PRKN: variants seen among roughly 807,000 people sequenced by gnomAD.
PRKN encodes parkin RBR E3 ubiquitin protein ligase.
PRKN carries 56 observed loss-of-function variants against 59.5 expected under a neutral mutation model. The ratio of observed to expected loss-of-function variants is 0.94; its 90% CI spans 0.76 to 1.18. The LOEUF is 1.18. PRKN is among the 50% of genes most tolerant of loss of function. The probability of loss-of-function intolerance (pLI) is 0.00; values close to 1 mark genes in which losing one functional copy is unlikely to be tolerated. For missense variants in PRKN, 657 were observed against 596.4 expected, an observed-to-expected ratio of 1.10 and a Z score of -1.06; for synonymous variants, 250 against 222.1, an observed-to-expected ratio of 1.13 and a Z score of -1.12.
At chr6:161,534,095 A>C (rs904099750) in intron 9 of PRKN, among the ~76,000 whole-genome samples, 4 of 151,902 alleles carry the variant, frequency 2.6e-5, no homozygotes, top group African/African-American at 9.7e-5. Flanking sequence ...AGGATGAAGT[A>C]CTGAATCCTT....
intron 1 of PRKN, among the ~76,000 whole-genome samples, chr6:162,590,852 A>C (rs746998607): frequency 2.0e-5 from 3 of 152,160 alleles, no homozygotes; most frequent in Non-Finnish European, 4.4e-5. Context: ...CTGGGCACAC[A>C]ACAGCCTCAT....
In PRKN at chr6:162,220,702, C is replaced by A. The variant is rs1008207883; in HGVS notation, c.413-19450G>T. Among the ~76,000 whole-genome samples the A allele has an allele frequency of 5.9e-5, 9 of 152,186 alleles. No homozygotes were observed. In the East Asian group the frequency reaches 1.7e-3, roughly 29 times the overall value. On this transcript the variant is annotated intron_variant, in intron 3 of 11. Coordinates refer to ENST00000366898, the MANE Select transcript of PRKN (RefSeq NM_004562.3). ...TCAAGGCAGAGGTCAGGAAACGGAA[C>A]TCCACATGGACACAGAATGGTCTAC...
intron 1 of PRKN, among the ~76,000 whole-genome samples, chr6:162,715,410 G>A (rs1463747094): frequency 6.6e-6 from 1 of 152,176 alleles, no homozygotes; most frequent in Non-Finnish European, 1.5e-5. Flanking sequence ...TTAAAGTTTA[G>A]AGGAAAATAA....
chr6:162,504,622 A>G (rs1003894878), intron 1 of PRKN, among the ~76,000 whole-genome samples: 2 of 152,186 alleles, frequency 1.3e-5, no homozygotes, highest in African/African-American at 2.4e-5. Context: ...AACATTTAAG[A>G]GAGAAATATA....
At chr6:161,351,623 C>A (rs906760502) in intron 11 of PRKN, among the ~76,000 whole-genome samples, 1 of 152,106 alleles carries the variant, frequency 6.6e-6, no homozygotes, top group African/African-American at 2.4e-5. Flanking sequence ...CCGCACCCAG[C>A]CAGCATATTA....
At chr6:161,491,694 G>A (rs975418395) in intron 9 of PRKN, among the ~76,000 whole-genome samples, 10 of 151,730 alleles carry the variant, frequency 6.6e-5, no homozygotes, top group South Asian at 2.1e-4. Context: ...GCAATGGCGC[G>A]ATCTTGGCTC....
chr6:161,774,644 G>A (rs1789845168), intron 7 of PRKN, among the ~76,000 whole-genome samples: 1 of 152,186 alleles, frequency 6.6e-6, no homozygotes, highest in Non-Finnish European at 1.5e-5. Flanking sequence ...CAGGATTCGG[G>A]TCTGGGTCCC....
chr6:162,038,265 C>T (rs768302894), intron 5 of PRKN, among the ~76,000 whole-genome samples: 8 of 151,964 alleles, frequency 5.3e-5, no homozygotes, highest in East Asian at 1.9e-4. Flanking sequence ...TTTGTAGAAA[C>T]GGCAATTGAC....
chr6:162,222,339 C>A (rs1233710772), intron 3 of PRKN, among the ~76,000 whole-genome samples: 2 of 152,138 alleles, frequency 1.3e-5, no homozygotes, highest in African/African-American at 4.8e-5. Flanking sequence ...GTCGGCCTGA[C>A]CCAATCAGAG....
chr6:162,561,629 G>A (rs1002156046), intron 1 of PRKN, among the ~76,000 whole-genome samples: 1 of 152,174 alleles, frequency 6.6e-6, no homozygotes, highest in Non-Finnish European at 1.5e-5. Context: ...CCCTTACTGG[G>A]GGCGAAGAGC....
chr6:161,679,003 C>A (rs1308476182), intron 7 of PRKN, among the ~76,000 whole-genome samples: 1 of 152,216 alleles, frequency 6.6e-6, no homozygotes, highest in African/African-American at 2.4e-5. Context: ...GACAGACACA[C>A]ACACGCACAT....
intron 1 of PRKN, among the ~76,000 whole-genome samples, chr6:162,725,279 C>T (rs1156391821): frequency 6.6e-6 from 1 of 152,244 alleles, no homozygotes; most frequent in African/African-American, 2.4e-5. Context: ...ATCCCAGATA[C>T]ATACTATTTA....
intron 2 of PRKN, among the ~76,000 whole-genome samples, chr6:162,326,040 C>T (rs949025616): frequency 6.6e-6 from 1 of 152,044 alleles, no homozygotes; most frequent in African/African-American, 2.4e-5. Context: ...AGTCCAAATT[C>T]CTTTACTGCA....
intron 5 of PRKN, among the ~76,000 whole-genome samples, chr6:161,987,236 G>A (rs899073520): frequency 3.3e-5 from 5 of 152,016 alleles, no homozygotes; most frequent in Non-Finnish European, 5.9e-5. Context: ...ACCATATACC[G>A]GAAAACTAAG....
intron 3 of PRKN, among the ~76,000 whole-genome samples, chr6:162,239,323 T>C (rs1778888518): frequency 6.6e-6 from 1 of 152,330 alleles, no homozygotes; most frequent in South Asian, 2.1e-4. Flanking sequence ...CTAATTTGTT[T>C]CTGTTTTGTT....
intron 5 of PRKN, among the ~76,000 whole-genome samples, chr6:162,033,910 A>G (rs1783737432): frequency 6.6e-6 from 1 of 152,158 alleles, no homozygotes; most frequent in South Asian, 2.1e-4. Context: ...TATGCAAAGT[A>G]TAAGAAAGGT....
chr6:161,836,608 G>C (rs73785438), intron 6 of PRKN, among the ~76,000 whole-genome samples: 122 of 152,216 alleles, frequency 8.0e-4, no homozygotes, highest in Admixed American at 1.4e-3. Context: ...AACCAGAGAC[G>C]ATCATAATTA....
In PRKN at chr6:161,582,697, G is replaced by A. The variant is rs1223837336; in HGVS notation, c.872-13281C>T. On this transcript the variant is annotated intron_variant, in intron 7 of 11. Coordinates refer to ENST00000366898, the MANE Select transcript of PRKN (RefSeq NM_004562.3). This position sits in a 1 kb window ranked among gnomAD's most constrained non-coding sequence, Gnocchi z 4.4. ...CCGCCTCGGCCTCCCAAAGTTCTGG[G>A]ATTACAGGTGTGAGACACTGCGCCT... 6.6e-6 allele frequency among the ~76,000 whole-genome samples: 1 copy of A among 152,078 alleles called. No homozygotes were observed. The highest frequency in any genetic ancestry group is 1.5e-5 in the Non-Finnish European group (1 of 68,010).
intron 2 of PRKN, among the ~76,000 whole-genome samples, chr6:162,362,785 T>G (rs1209074389): frequency 2.6e-5 from 4 of 152,066 alleles, no homozygotes; most frequent in African/African-American, 9.7e-5. Context: ...GAAAAAAACT[T>G]TATTTCACAA....
Sources: gnomAD v4.1 joint callset for allele counts (sites outside exome capture counted in the v4.1 genomes callset) on GRCh38, gnomAD v4.1.1 for gene constraint, Gnocchi (gnomAD v3.1) non-coding constraint, MANE v1.5 for transcripts, NCBI Gene and HGNC (gene_info 2026-07-23, HGNC 2026-07-21) for gene names.